Variants in KLF13 observed in about 807,000 individuals in gnomAD.
KLF13 encodes the protein KLF transcription factor 13.
A neutral mutation model predicts 16.7 loss-of-function variants in KLF13; 8 were observed. The ratio of observed to expected loss-of-function variants is 0.48; its 90% CI spans 0.28 to 0.87. The LOEUF (loss-of-function observed/expected upper bound fraction) is 0.87. KLF13 is among the 40% of genes least tolerant of loss of function. The pLI is 0.10. For missense variants in KLF13, 447 were observed against 452.2 expected, an observed-to-expected ratio of 0.99 and a Z score of 0.10; for synonymous variants, 245 against 208.4, an observed-to-expected ratio of 1.18 and a Z score of -1.51.
downstream of KLF13, among the ~76,000 whole-genome samples, chr15:31,381,300 T>TA (rs2039723399): frequency 6.6e-6 from 1 of 152,200 alleles, no homozygotes; most frequent in Non-Finnish European, 1.5e-5. Context: ...AAACAAGTCT[T>TA]ACAGGGCTAA....
At chr15:31,389,347 C>T (rs745344400), upstream of KLF13, among the ~76,000 whole-genome samples, 3 of 152,194 alleles carry the variant, frequency 2.0e-5, no homozygotes, top group African/African-American at 4.8e-5. Context: ...TTCTTCTCGT[C>T]AACAGGCTAT....
intron 2 of KLF13, among the ~76,000 whole-genome samples, chr15:31,399,326 A>C (rs1365655379): frequency 1.3e-5 from 2 of 152,112 alleles, no homozygotes; most frequent in East Asian, 1.9e-4. Context: ...GGATTAGCCC[A>C]GCTAATTTTT....
At chr15:31,423,176 C>CGTATATATACGTATACATATACAT (rs149346729) in intron 1 of KLF13, among the ~76,000 whole-genome samples, 1 of 17,000 alleles carries the variant, frequency 5.9e-5, no homozygotes, top group Non-Finnish European at 9.8e-5. Context: ...TATATATATA[C>CGTATATATACGTATACATATACAT]ATATATACGT....
chr15:31,335,025 A>T (rs1018156624), intron 1 of KLF13, among the ~76,000 whole-genome samples: 1 of 152,202 alleles, frequency 6.6e-6, no homozygotes, highest in African/African-American at 2.4e-5. Context: ...AAGCTCTGCC[A>T]TTTGGCCATA....
chr15:31,360,091 T>G (rs775472189), intron 1 of KLF13, among the ~76,000 whole-genome samples: 10 of 152,154 alleles, frequency 6.6e-5, no homozygotes, highest in African/African-American at 1.9e-4. Flanking sequence ...ACTCCAACCT[T>G]GAAGCTTCTG....
intron 2 of KLF13, among the ~76,000 whole-genome samples, chr15:31,396,148 C>G (rs1389400722): frequency 6.6e-6 from 1 of 152,198 alleles, no homozygotes; most frequent in African/African-American, 2.4e-5. Context: ...GCCTCAGCCT[C>G]TTGAGTAGCT....
chr15:31,418,308 T>A (rs1358311997), intron 1 of KLF13, among the ~76,000 whole-genome samples: 1 of 152,042 alleles, frequency 6.6e-6, no homozygotes, highest in African/African-American at 2.4e-5. Context: ...GAAAACAAAA[T>A]ATCCATTTGA....
chr15:31,384,221 C>T (rs2039767565), intron 1 of KLF13, among the ~76,000 whole-genome samples: 2 of 152,132 alleles, frequency 1.3e-5, no homozygotes, highest in South Asian at 4.1e-4. Context: ...GGCAGATCAC[C>T]TGAGCTCAGG....
intron 1 of KLF13, among the ~76,000 whole-genome samples, chr15:31,336,474 G>A (rs1430920950): frequency 6.6e-6 from 1 of 152,216 alleles, no homozygotes; most frequent in Admixed American, 6.5e-5. Context: ...CCACACCTAA[G>A]TATGTGCAGG....
chr15:31,408,519 T>C (rs2040155387), downstream of KLF13, among the ~76,000 whole-genome samples: 1 of 152,226 alleles, frequency 6.6e-6, no homozygotes, highest in African/African-American at 2.4e-5. Flanking sequence ...GTCTGTTATA[T>C]AATGAGAATA....
intron 1 of KLF13, chr15:31,339,853 G>A (rs1269852005): frequency 3.0e-6 from 2 of 674,880 alleles, no homozygotes; most frequent in East Asian, 5.5e-5. Flanking sequence ...GCCCCAGGTG[G>A]CACTTTGCTG....
intron 2 of KLF13, among the ~76,000 whole-genome samples, chr15:31,397,905 A>C (rs2039977375): frequency 6.7e-6 from 1 of 150,020 alleles, no homozygotes; most frequent in African/African-American, 2.5e-5. Context: ...CTCCCTGGGG[A>C]ATTCTTCAGT....
chr15:31,349,545 A>C (rs917809316), intron 1 of KLF13, among the ~76,000 whole-genome samples: 1 of 152,224 alleles, frequency 6.6e-6, no homozygotes, highest in Admixed American at 6.5e-5. Flanking sequence ...AGCTGGTGCC[A>C]GCCTGTGGTT....
intron 1 of KLF13, chr15:31,340,112 G>C: frequency 1.4e-6 from 1 of 694,098 alleles, no homozygotes; most frequent in South Asian, 1.5e-5. Flanking sequence ...TCTCGTCTTC[G>C]TTGTAGGCCT....
intron 2 of KLF13, among the ~76,000 whole-genome samples, chr15:31,398,765 C>T (rs910464180): frequency 1.3e-5 from 2 of 152,120 alleles, no homozygotes; most frequent in African/African-American, 4.8e-5. Context: ...GAAGAGTCAA[C>T]CATGCACGGT....
chr15:31,432,852 T>A (rs1029084225), intron 1 of KLF13, among the ~76,000 whole-genome samples: 1 of 152,102 alleles, frequency 6.6e-6, no homozygotes, highest in Non-Finnish European at 1.5e-5. Flanking sequence ...CGGTAGCTCA[T>A]GCCTGTAATC....
At chr15:31,426,464 T>C (rs2040402610) in intron 1 of KLF13, among the ~76,000 whole-genome samples, 1 of 152,212 alleles carries the variant, frequency 6.6e-6, no homozygotes, top group South Asian at 2.1e-4. Flanking sequence ...CAAATGGGAC[T>C]ATATCAAACT....
Position 31,354,718 on chromosome 15 carries a change from C to T in KLF13, c.578-17292C>T, listed in dbSNP as rs61637762. On this transcript the variant is annotated intron_variant, in intron 1 of 1. Coordinates refer to ENST00000307145, the MANE Select transcript of KLF13 (RefSeq NM_015995.4). ...AGTTTTTAAACTTCTGTTTGGAGAA[C>T]TTCAGACAGATGCCCACATCTTCAG... 1.4e-3 allele frequency among the ~76,000 whole-genome samples: 214 copies of T among 152,278 alleles called. 1 individual carries two copies. Among genetic ancestry groups the T allele is most frequent in the South Asian group, 0.011 (55 of 4,824 alleles).
At chr15:31,370,229 A>G (rs1204884492) in intron 1 of KLF13, among the ~76,000 whole-genome samples, 3 of 151,976 alleles carry the variant, frequency 2.0e-5, no homozygotes, top group African/African-American at 7.2e-5. Flanking sequence ...ATCAATAAAG[A>G]GAGCAAGTGT....
Sources: gnomAD v4.1 joint callset for allele counts (sites outside exome capture counted in the v4.1 genomes callset) on GRCh38, gnomAD v4.1.1 for gene constraint, MANE v1.5 for transcripts, NCBI Gene and HGNC (gene_info 2026-07-23, HGNC 2026-07-21) for gene names.